KIAA0753: variants seen among roughly 807,000 people sequenced by gnomAD.
KIAA0753 encodes the protein protein moonraker.
A neutral mutation model predicts 116.9 loss-of-function variants in KIAA0753; 114 were observed. The ratio of observed to expected loss-of-function variants is 0.98; its 90% CI spans 0.84 to 1.14. KIAA0753 has a LOEUF of 1.14. Ranked by LOEUF, KIAA0753 falls within the 50% of genes most tolerant of loss-of-function variation. KIAA0753 has a pLI of 0.00. For synonymous variants in KIAA0753, 405 were observed against 413.1 expected (o/e 0.98, Z 0.24); for missense variants, 1,156 against 1,172.4 (o/e 0.99, Z 0.20).
At chr17:6,605,595 G>A (rs1970143745) in intron 12 of KIAA0753, among the ~76,000 whole-genome samples, 1 of 152,118 alleles carries the variant, frequency 6.6e-6, no homozygotes, top group Non-Finnish European at 1.5e-5. Context: ...ATTTGTGCCT[G>A]TTTCTCAGTT....
rs79720908 is a variant in KIAA0753 at position 6,612,130 on chromosome 17, G to A, written c.1334C>T (p.Thr445Met). The change falls in exon 8 of 19, where the codon ACG becomes ATG. Residue 445 changes from threonine (T) to methionine (M), a missense_variant. Transcript: ENST00000361413. ...CAACCTCTGGGTCTCCGGAAGCTCC[G>A]TATCGGGCTGATACTTATCTACATG... ...QLLADKYQPD[T>M]ELPETQRLQS... 10,715 of 1,612,802 alleles carry A rather than the reference G, an allele frequency of 6.6e-3. 220 individuals carry two copies. In the African/African-American group the frequency reaches 0.072, roughly 11 times the overall value.
At position 6,639,940 on chromosome 17, in the gene KIAA0753, T is replaced by A. The variant is rs1972557211; in HGVS notation, c.-69+697A>T. The stretch of plus-strand genomic sequence containing the variant: ...CACAGCCCCGGCAAGCCCCACCACC[T>A]CGGGCTCCCCCACAGCCCCGTTCAC... On this transcript the variant is annotated intron_variant, in intron 1 of 18. Coordinates refer to ENST00000361413, the MANE Select transcript of KIAA0753 (RefSeq NM_014804.3). This position sits in a 1 kb window ranked among gnomAD's most constrained non-coding sequence, Gnocchi z 4.3. 1 of 152,456 alleles carries A rather than the reference T, an allele frequency of 6.6e-6. No homozygotes were observed. The highest frequency in any genetic ancestry group is 1.5e-5 in the Non-Finnish European group (1 of 68,560). 9.4% of individuals were successfully genotyped at this position (152,456 alleles called of 1,614,324 possible). A position where few individuals can be genotyped will look rare whatever the true frequency, so the allele number is the denominator to read the frequency against.
chr17:6,622,194 C>A (rs769479286), intron 6 of KIAA0753, among the ~76,000 whole-genome samples: 3 of 152,172 alleles, frequency 2.0e-5, no homozygotes, highest in Admixed American at 6.5e-5. Context: ...AATTTGATGC[C>A]TAGCTCTCAA....
chr17:6,609,753 CAT>C (rs1970411931), intron 9 of KIAA0753, among the ~76,000 whole-genome samples: 2 of 152,192 alleles, frequency 1.3e-5, no homozygotes, highest in South Asian at 4.1e-4. Flanking sequence ...TTCAATCACA[CAT>C]GTCCCGGTGT....
intron 16 of KIAA0753, among the ~76,000 whole-genome samples, chr17:6,591,854 T>TGCCG (rs1969093057): frequency 2.0e-5 from 3 of 152,200 alleles, no homozygotes; most frequent in Admixed American, 1.3e-4. Flanking sequence ...AAAGGGCCCT[T>TGCCG]GCCGGGCCAG....
rs766729427 is a variant in KIAA0753 at position 6,596,288 on chromosome 17, T to C, written c.2228A>G (p.Glu743Gly). The C allele has an allele frequency of 2.4e-5, 37 of 1,553,852 alleles. No homozygotes were observed. In the South Asian group the frequency reaches 3.4e-4, roughly 14 times the overall value. The change falls in exon 15 of 19, where the codon GAA becomes GGA. Residue 743 changes from glutamate (E) to glycine (G), a missense_variant. Physicochemically the swap from Glu to Gly is moderately conservative, Grantham distance 98. Transcript: ENST00000361413. Reference sequence around the variant, plus strand: ...AGCCCAGAGCTCACTGGCACAATCTTCCAAAAAATCATCAAGCTGACGAAT... The same window carrying C: ...AGCCCAGAGCTCACTGGCACAATCTCCCAAAAAATCATCAAGCTGACGAAT... ...NNIRQLDDFLEDCASELWAVT... is the reference protein window; with the variant it reads ...NNIRQLDDFLGDCASELWAVT...
chr17:6,609,223 T>C (rs1332820893), intron 9 of KIAA0753, among the ~76,000 whole-genome samples: 1 of 152,236 alleles, frequency 6.6e-6, no homozygotes, highest in Non-Finnish European at 1.5e-5. Flanking sequence ...CAGAACCCTG[T>C]AGTCACCTAT....
Position 6,589,988 on chromosome 17 carries a change from A to ACTTT in KIAA0753, c.2573_2576dup (p.Ser859ArgfsTer44). 1 of 1,565,472 alleles carries ACTTT rather than the reference A, an allele frequency of 6.4e-7. No homozygotes were observed. The highest frequency in any genetic ancestry group is 1.4e-5 in the African/African-American group (1 of 72,366). The stretch of plus-strand genomic sequence containing the variant: ...TCTCTGATCCTTCCTCTGTTCCCAC[A>ACTTT]CTTTCATCCAGGGAACTGAGAACAA... On this transcript the variant is annotated frameshift_variant, in exon 18 of 19. Coordinates refer to ENST00000361413, the MANE Select transcript of KIAA0753 (RefSeq NM_014804.3). LOFTEE classifies it high-confidence loss of function.
Position 6,579,232 on chromosome 17 carries a change from G to A in KIAA0753, c.*515C>T, listed in dbSNP as rs776669340. The A allele has an allele frequency of 1.3e-5, 2 of 152,790 alleles. No individual in the cohort carries two copies. Among genetic ancestry groups the A allele is most frequent in the Non-Finnish European group, 2.9e-5 (2 of 68,410 alleles). The allele number at this position is 152,790 out of a possible 1,614,324, so 9.5% of individuals were successfully genotyped here. A position where few individuals can be genotyped will look rare whatever the true frequency, so the allele number is the denominator to read the frequency against. On this transcript the variant is annotated 3_prime_UTR_variant, in exon 19 of 19. Transcript: ENST00000361413. ...GAGGAGAGGTTTGGCAGCACAGCCAGACTGTGCTCTCCCTGAGTCTACAGC... is the reference window on the plus strand; with the variant it reads ...GAGGAGAGGTTTGGCAGCACAGCCAAACTGTGCTCTCCCTGAGTCTACAGC...
In KIAA0753 at chr17:6,599,365, G is replaced by A. The variant is rs779517750; in HGVS notation, c.2089-45C>T. ...CATTCATGGAGTATAAAGACTTATA[G>A]CTCCTATTAGTACAAATGAATTCTA... On this transcript the variant is annotated intron_variant, in intron 13 of 18. Coordinates refer to ENST00000361413, the MANE Select transcript of KIAA0753 (RefSeq NM_014804.3). 4.8e-6 allele frequency: 6 copies of A among 1,240,360 alleles called. No individual in the cohort carries two copies. In the South Asian group the frequency reaches 7.4e-5, roughly 15 times the overall value. 76.8% of individuals were successfully genotyped at this position (1,240,360 alleles called of 1,614,324 possible). A position where few individuals can be genotyped will look rare whatever the true frequency, so the allele number is the denominator to read the frequency against.
At chr17:6,618,361 C>T (rs539896681) in intron 7 of KIAA0753, among the ~76,000 whole-genome samples, 1 of 152,308 alleles carries the variant, frequency 6.6e-6, no homozygotes, top group Non-Finnish European at 1.5e-5. Context: ...TCCTAGCAAA[C>T]CCCAGGAGGG....
chr17:6,608,748 T>C (rs1970350588), intron 9 of KIAA0753, among the ~76,000 whole-genome samples: 1 of 152,190 alleles, frequency 6.6e-6, no homozygotes, highest in Non-Finnish European at 1.5e-5. Flanking sequence ...CAAAACTCTG[T>C]CACAATACAT....
At chr17:6,584,183 A>C (rs1968403445) in intron 18 of KIAA0753, among the ~76,000 whole-genome samples, 1 of 56,218 alleles carries the variant, frequency 1.8e-5, no homozygotes. Context: ...TCTGTTCTGA[A>C]AAGGCTGTCA....
At chr17:6,615,614 C>CAAAAAAAAAA (rs60310389) in intron 7 of KIAA0753, among the ~76,000 whole-genome samples, 8 of 58,764 alleles carry the variant, frequency 1.4e-4, no homozygotes, top group African/African-American at 4.6e-4. Flanking sequence ...GACTCCGTCT[C>CAAAAAAAAAA]AAAAAAAAAA....
chr17:6,586,035 G>A (rs937640472), intron 18 of KIAA0753, among the ~76,000 whole-genome samples: 5 of 149,020 alleles, frequency 3.4e-5, no homozygotes, highest in Admixed American at 2.0e-4. Context: ...TTTGGATCAC[G>A]GGAGAGGATC....
chr17:6,631,500 A>C (rs1972018741), intron 2 of KIAA0753, among the ~76,000 whole-genome samples: 1 of 152,208 alleles, frequency 6.6e-6, no homozygotes, highest in Non-Finnish European at 1.5e-5. Flanking sequence ...TTTGAATTGG[A>C]GATACCTGTG....
chr17:6,628,783 T>A, intron 2 of KIAA0753, 42 bp from the exon 3 acceptor site: 1 of 1,536,242 alleles, frequency 6.5e-7, no homozygotes, highest in Non-Finnish European at 8.7e-7. Context: ...CAGAAAAATT[T>A]CATATTGCAC....
At chr17:6,636,137 C>T (rs1183318012) in intron 1 of KIAA0753, 1 of 151,848 alleles carries the variant, frequency 6.6e-6, no homozygotes, top group Non-Finnish European at 1.5e-5. Context: ...TAAAAAAAAC[C>T]CTAATTTAAG....
At chr17:6,590,920 C>G (rs1968948725) in intron 16 of KIAA0753, among the ~76,000 whole-genome samples, 1 of 151,384 alleles carries the variant, frequency 6.6e-6, no homozygotes, top group Non-Finnish European at 1.5e-5. Context: ...CCATTAGGAC[C>G]CAGCCACCCA....
Sources: gnomAD v4.1 joint callset for allele counts (sites outside exome capture counted in the v4.1 genomes callset) on GRCh38, gnomAD v4.1.1 for gene constraint, Gnocchi (gnomAD v3.1) non-coding constraint, MANE v1.5 for transcripts, NCBI Gene and HGNC (gene_info 2026-07-23, HGNC 2026-07-21) for gene names.